GRAMD1B: variants seen among roughly 807,000 people sequenced by gnomAD.
GRAMD1B encodes the protein GRAM domain containing 1B.
In GRAMD1B, 37 loss-of-function variants were observed where a neutral mutation model predicts 99.7. The ratio of observed to expected loss-of-function variants is 0.37; its 90% CI spans 0.29 to 0.49. The LOEUF (loss-of-function observed/expected upper bound fraction) is 0.49. Among genes scored for constraint, GRAMD1B ranks in the 20% least tolerant of loss-of-function variants. GRAMD1B has a pLI of 0.98. For synonymous variants in GRAMD1B, 427 were observed against 387.6 expected (o/e 1.10, Z -1.19); for missense variants, 888 against 1,009.2 (o/e 0.88, Z 1.63).
chr11:123,551,192 A>G (rs1310588007), intron 2 of GRAMD1B, among the ~76,000 whole-genome samples: 1 of 152,174 alleles, frequency 6.6e-6, no homozygotes, highest in African/African-American at 2.4e-5. Context: ...AGGTTTTTGT[A>G]TCCTCTCCTG....
At chr11:123,551,604 A>G (rs181443137) in intron 2 of GRAMD1B, among the ~76,000 whole-genome samples, 1 of 152,266 alleles carries the variant, frequency 6.6e-6, no homozygotes, top group East Asian at 1.9e-4. Flanking sequence ...ACTTTGTTGT[A>G]TATGTGATTA....
chr11:123,466,440 AAGAAAGAAAG>A (rs1441977557), intron 1 of GRAMD1B, among the ~76,000 whole-genome samples: 1 of 146,412 alleles, frequency 6.8e-6, no homozygotes, highest in Non-Finnish European at 1.5e-5. Context: ...GAAAGGAAGA[AAGAAAGAAAG>A]AGAAAGAAAG....
intron 2 of GRAMD1B, among the ~76,000 whole-genome samples, chr11:123,518,469 T>C (rs188295547): frequency 6.6e-6 from 1 of 152,264 alleles, no homozygotes; most frequent in Admixed American, 6.5e-5. Flanking sequence ...CTGAATTCAG[T>C]GAGGGAGGTG....
intron 1 of GRAMD1B, among the ~76,000 whole-genome samples, chr11:123,452,280 G>T (rs1384428528): frequency 6.6e-6 from 1 of 152,210 alleles, no homozygotes; most frequent in Admixed American, 6.5e-5. Context: ...CTAAGAAGAG[G>T]ACAGCAGTAA....
At chr11:123,441,931 T>A (rs1434944361) in intron 1 of GRAMD1B, among the ~76,000 whole-genome samples, 2 of 152,250 alleles carry the variant, frequency 1.3e-5, no homozygotes, top group African/African-American at 4.8e-5. Flanking sequence ...AGAGACTTTT[T>A]TCTTCTGTGC....
intron 2 of GRAMD1B, among the ~76,000 whole-genome samples, chr11:123,563,546 C>A (rs1565378532): frequency 6.7e-6 from 1 of 149,688 alleles, no homozygotes; most frequent in Admixed American, 6.7e-5. Flanking sequence ...AGGCCTCACT[C>A]TGTCACCCAT....
At chr11:123,621,866 T>TTTCTTTCTTTTC (rs751672365) in intron 19 of GRAMD1B, among the ~76,000 whole-genome samples, 27 of 73,684 alleles carry the variant, frequency 3.7e-4, no homozygotes, top group African/African-American at 1.1e-3. Flanking sequence ...TCTTTCTTTC[T>TTTCTTTCTTTTC]TTTCTTTCTT....
intron 3 of GRAMD1B, among the ~76,000 whole-genome samples, chr11:123,578,131 G>A (rs1948932886): frequency 6.6e-6 from 1 of 152,152 alleles, no homozygotes; most frequent in Admixed American, 6.5e-5. Flanking sequence ...CCATGGATAT[G>A]CCTAAAATAG....
In GRAMD1B at chr11:123,599,010, T is replaced by C. The variant is rs1283551258; in HGVS notation, c.970-1458T>C. 4 of 1,106,814 alleles carry C rather than the reference T, an allele frequency of 3.6e-6. No homozygotes were observed. In the African/African-American group the frequency reaches 6.1e-5, roughly 17 times the overall value. The allele number at this position is 1,106,814 out of a possible 1,614,324, so 68.6% of individuals were successfully genotyped here. A position where few individuals can be genotyped will look rare whatever the true frequency, so the allele number is the denominator to read the frequency against. The stretch of plus-strand genomic sequence containing the variant: ...CTCAGATGCCTTCAGGTTAATGTAC[T>C]TGAGGCAACAGTCATGGAGATCGAG... On this transcript the variant is annotated intron_variant, in intron 7 of 19. Coordinates refer to ENST00000635736, the MANE Select transcript of GRAMD1B (RefSeq NM_001387025.1).
chr11:123,474,218 C>T (rs1027622109), intron 1 of GRAMD1B, among the ~76,000 whole-genome samples: 1 of 152,074 alleles, frequency 6.6e-6, no homozygotes, highest in African/African-American at 2.4e-5. Context: ...TGATTTCTAC[C>T]ATTTCTAATC....
intron 2 of GRAMD1B, among the ~76,000 whole-genome samples, chr11:123,540,954 G>A (rs2465460): frequency 0.51 from 77,448 of 151,838 alleles, 21,039 homozygotes; most frequent in Middle Eastern, 0.66. Context: ...GTCATGACTA[G>A]CATTTTTCTT....
intron 1 of GRAMD1B, among the ~76,000 whole-genome samples, chr11:123,468,358 C>A (rs1344421425): frequency 6.6e-6 from 1 of 152,066 alleles, no homozygotes; most frequent in Non-Finnish European, 1.5e-5. Flanking sequence ...GTATTATACA[C>A]CTAATATGTG....
At chr11:123,483,237 C>T (rs369033805) in intron 2 of GRAMD1B, among the ~76,000 whole-genome samples, 12 of 152,022 alleles carry the variant, frequency 7.9e-5, no homozygotes, top group East Asian at 1.9e-4. Context: ...AAGTGACTAA[C>T]GGGTGGGGCA....
chr11:123,452,782 T>C (rs1423042783), intron 1 of GRAMD1B, among the ~76,000 whole-genome samples: 1 of 152,228 alleles, frequency 6.6e-6, no homozygotes, highest in Non-Finnish European at 1.5e-5. Flanking sequence ...CTTTGCTCAC[T>C]AGGGAATTCT....
At chr11:123,424,516 C>T (rs1219812671) in intron 1 of GRAMD1B, among the ~76,000 whole-genome samples, 1 of 152,044 alleles carries the variant, frequency 6.6e-6, no homozygotes, top group Non-Finnish European at 1.5e-5. Flanking sequence ...GCAATCTGAC[C>T]CCTCATTTGT....
chr11:123,462,890 T>TAAAAAAAAAAAAAA (rs55643501), intron 1 of GRAMD1B, among the ~76,000 whole-genome samples: 176 of 122,818 alleles, frequency 1.4e-3, no homozygotes, highest in East Asian at 4.1e-3. Flanking sequence ...AAAAAATAAA[T>TAAAAAAAAAAAAAA]TAAAAAAAAA....
intron 1 of GRAMD1B, among the ~76,000 whole-genome samples, chr11:123,406,479 C>T (rs1368700067): frequency 2.6e-5 from 4 of 152,042 alleles, no homozygotes; most frequent in Admixed American, 1.3e-4. Context: ...GTCTCGAACT[C>T]CTGACCTTGT....
chr11:123,491,969 G>A, intron 2 of GRAMD1B: 1 of 399,236 alleles, frequency 2.5e-6, no homozygotes, highest in Non-Finnish European at 4.4e-6. Context: ...AGTAGGTGGT[G>A]GGGACCCTGG....
intron 1 of GRAMD1B, among the ~76,000 whole-genome samples, chr11:123,467,803 TTTTC>T (rs1465735821): frequency 6.9e-6 from 1 of 144,016 alleles, no homozygotes; most frequent in Non-Finnish European, 1.5e-5. Context: ...CCTTCCTTCT[TTTTC>T]TTTCTTTTCT....
Sources: gnomAD v4.1 joint callset for allele counts (sites outside exome capture counted in the v4.1 genomes callset) on GRCh38, gnomAD v4.1.1 for gene constraint, MANE v1.5 for transcripts, NCBI Gene and HGNC (gene_info 2026-07-23, HGNC 2026-07-21) for gene names.